The following RASGRP3 variants were observed in gnomAD, a reference collection of about 807,000 sequenced individuals.
The protein encoded by RASGRP3 is RAS guanyl releasing protein 3, also known as ras guanyl-releasing protein 3.
Under a neutral mutation model 82.7 loss-of-function variants are expected in RASGRP3, and 54 were observed. The observed-to-expected ratio is 0.65, with a 90% CI of 0.52 to 0.82. The LOEUF is 0.82. Ranked by LOEUF, RASGRP3 falls within the 40% of genes least tolerant of loss-of-function variation. The pLI is 0.00. For synonymous variants in RASGRP3, 309 were observed against 300.5 expected, an observed-to-expected ratio of 1.03 and a Z score of -0.29; for missense variants, 861 against 828.9, an observed-to-expected ratio of 1.04 and a Z score of -0.48.
At chr2:33,550,882 C>T (rs1012040935) in intron 14 of RASGRP3, among the ~76,000 whole-genome samples, 4 of 152,212 alleles carry the variant, frequency 2.6e-5, no homozygotes, top group African/African-American at 4.8e-5. Context: ...TCCTCAAAGA[C>T]GGCCCCAGGT....
chr2:33,555,630 G>T, intron 15 of RASGRP3, 63 bp downstream of exon 15: 1 of 1,396,046 alleles, frequency 7.2e-7, no homozygotes. Flanking sequence ...AATCAAATTT[G>T]TCTGGTTAAA....
intron 12 of RASGRP3, among the ~76,000 whole-genome samples, chr2:33,542,992 C>T (rs1040968567): frequency 2.6e-5 from 4 of 151,986 alleles, no homozygotes; most frequent in South Asian, 2.1e-4. Flanking sequence ...CGCGCCCAGC[C>T]GAAGTTTTAT....
chr2:33,499,681 T>C (rs938492220), intron 1 of RASGRP3, among the ~76,000 whole-genome samples: 3 of 152,118 alleles, frequency 2.0e-5, no homozygotes, highest in Non-Finnish European at 4.4e-5. Flanking sequence ...AAATCACTTG[T>C]AAGGGTCAAC....
In RASGRP3 at chr2:33,537,192, G is replaced by GATAT. The variant is rs113536892; in HGVS notation, c.1162-1887_1162-1884dup. Among the ~76,000 whole-genome samples, 176 of 145,764 alleles carry GATAT rather than the reference G, an allele frequency of 1.2e-3. 1 individual carries two copies. The highest frequency in any genetic ancestry group is 3.4e-3 in the East Asian group (17 of 5,008). ...TCTCTTAGAGGGACAGAACTAATAG[G>GATAT]ATATATATATATATATATCTCAAAA... On this transcript the variant is annotated intron_variant, in intron 11 of 17. Transcript: ENST00000403687.
At chr2:33,476,037 C>A (rs562627995), upstream of RASGRP3, among the ~76,000 whole-genome samples, 1 of 152,302 alleles carries the variant, frequency 6.6e-6, no homozygotes, top group African/African-American at 2.4e-5. Context: ...TAACCCCTCC[C>A]ATATTTGCCC....
chr2:33,442,531 A>G (rs1479726894), intron 1 of RASGRP3, among the ~76,000 whole-genome samples: 1 of 152,232 alleles, frequency 6.6e-6, no homozygotes, highest in East Asian at 1.9e-4. Flanking sequence ...GGCTGACAAT[A>G]TGTTCATGCT....
At chr2:33,474,817 C>T (rs77675409), upstream of RASGRP3, among the ~76,000 whole-genome samples, 1 of 152,182 alleles carries the variant, frequency 6.6e-6, no homozygotes, top group Non-Finnish European at 1.5e-5. Flanking sequence ...TTATAAATTA[C>T]CCAGTCTCAA....
chr2:33,550,751 G>A (rs1285052157), intron 14 of RASGRP3, among the ~76,000 whole-genome samples: 1 of 152,046 alleles, frequency 6.6e-6, no homozygotes, highest in Non-Finnish European at 1.5e-5. Context: ...GATATTATAC[G>A]CTACCAGAAA....
intron 1 of RASGRP3, among the ~76,000 whole-genome samples, chr2:33,492,317 T>C (rs1423885024): frequency 6.6e-6 from 1 of 152,198 alleles, no homozygotes; most frequent in Non-Finnish European, 1.5e-5. Context: ...ATTACAGACC[T>C]GCTTCGAGCC....
intron 1 of RASGRP3, among the ~76,000 whole-genome samples, chr2:33,479,731 A>C (rs577333882): frequency 2.6e-5 from 4 of 152,110 alleles, no homozygotes; most frequent in Non-Finnish European, 4.4e-5. Flanking sequence ...GTGGGCCATA[A>C]ACCTGTGGAT....
intron 14 of RASGRP3, among the ~76,000 whole-genome samples, chr2:33,554,129 C>T (rs1008080528): frequency 2.6e-5 from 4 of 152,130 alleles, no homozygotes; most frequent in African/African-American, 9.7e-5. Flanking sequence ...AGTTCCTTGT[C>T]AAAAAGAAGT....
chr2:33,516,894 G>A, intron 4 of RASGRP3: 1 of 334,342 alleles, frequency 3.0e-6, no homozygotes, highest in Non-Finnish European at 5.4e-6. Flanking sequence ...GGAACTGTAG[G>A]CTGGATGTTT....
chr2:33,479,513 T>C (rs1667693007), intron 1 of RASGRP3, among the ~76,000 whole-genome samples: 1 of 152,160 alleles, frequency 6.6e-6, no homozygotes, highest in African/African-American at 2.4e-5. Context: ...TCCGAGTAGG[T>C]TGTTGATGAA....
chr2:33,492,005 T>G (rs1668885969), intron 1 of RASGRP3, among the ~76,000 whole-genome samples: 1 of 152,224 alleles, frequency 6.6e-6, no homozygotes, highest in Non-Finnish European at 1.5e-5. Flanking sequence ...TAGGTACTTC[T>G]GCAAAAGAGA....
chr2:33,443,676 A>G (rs1254707315), intron 1 of RASGRP3, among the ~76,000 whole-genome samples: 1 of 148,800 alleles, frequency 6.7e-6, no homozygotes. Context: ...AACCCAGGTG[A>G]CCAGCCTGGG....
rs752636179 is a variant in RASGRP3, at chr2:33,515,074, T to C, written c.-63T>C. ...GCACTAACATCGCTGACTTGCATGA[T>C]TATGGAGATGGTCTATCTGATGCTG... is the stretch of plus-strand genomic sequence containing the variant. On this transcript the variant is annotated 5_prime_UTR_variant, in exon 3 of 18. Coordinates refer to ENST00000403687, the MANE Select transcript of RASGRP3 (RefSeq NM_001139488.2). The C allele has an allele frequency of 2.7e-6, 4 of 1,491,434 alleles. No homozygotes were observed. The highest frequency in any genetic ancestry group is 3.7e-6 in the Non-Finnish European group (4 of 1,068,498). 92.4% of individuals were successfully genotyped at this position (1,491,434 alleles called of 1,614,324 possible).
intron 2 of RASGRP3, chr2:33,458,025 T>A (rs2150893621): frequency 6.6e-6 from 1 of 152,290 alleles, no homozygotes; most frequent in Non-Finnish European, 1.5e-5. Context: ...AGGTGACTTT[T>A]GCGCACCCTG....
At chr2:33,498,024 TTC>T (rs756853402) in intron 1 of RASGRP3, among the ~76,000 whole-genome samples, 10 of 146,974 alleles carry the variant, frequency 6.8e-5, no homozygotes, top group Non-Finnish European at 1.5e-4. Context: ...CCTTTCTCCC[TTC>T]TCTCTTTCTT....
chr2:33,496,877 C>CA (rs1396814632), intron 1 of RASGRP3, among the ~76,000 whole-genome samples: 1 of 151,848 alleles, frequency 6.6e-6, no homozygotes, highest in Non-Finnish European at 1.5e-5. Context: ...CAAAACAAAC[C>CA]AACAAAAAAA....
Sources: gnomAD v4.1 joint callset for allele counts (sites outside exome capture counted in the v4.1 genomes callset) on GRCh38, gnomAD v4.1.1 for gene constraint, MANE v1.5 for transcripts, NCBI Gene and HGNC (gene_info 2026-07-23, HGNC 2026-07-21) for gene names.